The following CD101 variants were observed in gnomAD, a reference collection of about 807,000 sequenced individuals.
CD101 encodes immunoglobulin superfamily member 2.
In CD101, 76 loss-of-function variants were observed where a neutral mutation model predicts 98.2. The observed-to-expected ratio is 0.77, with a 90% CI of 0.64 to 0.94. The LOEUF (loss-of-function observed/expected upper bound fraction) is 0.94. Ranked by LOEUF, CD101 falls within the 40% of genes least tolerant of loss-of-function variation. The probability of loss-of-function intolerance (pLI) is 0.00; values close to 1 mark genes in which losing one functional copy is unlikely to be tolerated. For missense variants in CD101, 1,145 were observed against 1,218.8 expected, an observed-to-expected ratio of 0.94 and a Z score of 0.90; for synonymous variants, 471 against 472.7, an observed-to-expected ratio of 1.00 and a Z score of 0.05.
chr1:117,017,803 CA>C (rs1238825534), intron 5 of CD101, among the ~76,000 whole-genome samples: 2 of 152,092 alleles, frequency 1.3e-5, no homozygotes. Context: ...GAAGCATGTG[CA>C]AAAGGGTTCT....
chr1:117,015,491 T>A (rs1653146035), intron 4 of CD101, among the ~76,000 whole-genome samples: 1 of 152,348 alleles, frequency 6.6e-6, no homozygotes, highest in African/African-American at 2.4e-5. Flanking sequence ...ATTTGCTCTT[T>A]TTAAAAACAT....
intron 8 of CD101, chr1:117,032,633 G>C (rs1468784367): frequency 6.6e-6 from 1 of 152,202 alleles, no homozygotes; most frequent in Admixed American, 6.5e-5. Context: ...TCCAGTAAAA[G>C]CACAGCTACA....
At position 117,018,332 on chromosome 1, in the gene CD101, C is replaced by G. The variant is rs1349732172; in HGVS notation, c.1789C>G (p.His597Asp). The G allele has an allele frequency of 6.2e-7, 1 of 1,614,078 alleles. No homozygotes were observed. Among genetic ancestry groups the G allele is most frequent in the Non-Finnish European group, 8.5e-7 (1 of 1,180,046 alleles). The change falls in exon 6 of 10, where the codon CAC (histidine) becomes GAC (aspartate). Residue 597 changes from histidine to aspartate, a missense_variant. Coordinates refer to ENST00000682167, the MANE Select transcript of CD101 (RefSeq NM_001256106.3). The surrounding 1 kb of genome is among the most constrained non-coding windows in gnomAD (Gnocchi z 4.3). ...HIFHQLIRIT[H>D]NGTIEWGNFL... ...CTTCCACCAGCTTATTCGAATCACC[C>G]ACAATGGCACTATTGAATGGGGGAA...
chr1:117,015,391 G>T (rs924287742), intron 4 of CD101, among the ~76,000 whole-genome samples: 17 of 151,952 alleles, frequency 1.1e-4, no homozygotes, highest in African/African-American at 3.6e-4. Flanking sequence ...AATCATCATG[G>T]TTATGTTAAA....
At chr1:117,014,002 C>T (rs1653053874) in intron 4 of CD101, among the ~76,000 whole-genome samples, 1 of 152,082 alleles carries the variant, frequency 6.6e-6, no homozygotes. Context: ...AGTCTGTGAC[C>T]ATGAACACAC....
Position 117,033,953 on chromosome 1 carries a change from C to T in CD101, c.2918C>T (p.Ser973Phe), listed in dbSNP as rs1274174326. The T allele has an allele frequency of 1.1e-5, 17 of 1,614,066 alleles. No homozygotes were observed. Among genetic ancestry groups the T allele is most frequent in the Non-Finnish European group, 1.3e-5 (15 of 1,180,034 alleles). ...PFVLLLLLLISLLCLYWKARK... is the reference protein window; with the variant it reads ...PFVLLLLLLIFLLCLYWKARK... ...GTCCTGCTCCTCCTTCTGCTCATCT[C>T]CCTCCTCTGCTTATACTGGAAGGCC... Residue 973 changes from serine to phenylalanine, a missense_variant, in exon 9 of 10, where the codon TCC becomes TTC. By Grantham distance (155) the Ser-to-Phe change is radical. Coordinates refer to ENST00000682167, the MANE Select transcript of CD101 (RefSeq NM_001256106.3). The surrounding 1 kb of genome is among the most constrained non-coding windows in gnomAD (Gnocchi z 4.8).
At position 117,005,374 on chromosome 1, in the gene CD101, C is replaced by G. The variant is rs1652470300; in HGVS notation, c.43+3514C>G. On this transcript the variant is annotated intron_variant, in intron 1 of 9. Coordinates refer to ENST00000682167, the MANE Select transcript of CD101 (RefSeq NM_001256106.3). This position sits in a 1 kb window ranked among gnomAD's most constrained non-coding sequence, Gnocchi z 4.4. ...TCCACTTCCTGCAGTCACTTCTTAC[C>G]CTGAAAACTGCTGCTTCCACTCTAT... Among the ~76,000 whole-genome samples, 1 of 152,130 alleles carries G rather than the reference C, an allele frequency of 6.6e-6. No individual in the cohort carries two copies. The highest frequency in any genetic ancestry group is 1.5e-5 in the Non-Finnish European group (1 of 68,026).
At chr1:117,026,053 G>GCTGT (rs1193427280) in intron 8 of CD101, 149 bp downstream of exon 8, 2 of 790,584 alleles carry the variant, frequency 2.5e-6, no homozygotes, top group African/African-American at 3.5e-5. Flanking sequence ...AGATGACTTT[G>GCTGT]CTGTCTCTCT....
At chr1:117,031,543 T>C (rs1557780980) in intron 8 of CD101, among the ~76,000 whole-genome samples, 1 of 152,180 alleles carries the variant, frequency 6.6e-6, no homozygotes, top group Admixed American at 6.5e-5. Context: ...TGGAGGAAGA[T>C]GGCCAAGCCT....
Position 117,019,721 on chromosome 1 carries a change from T to C in CD101, c.2017+1161T>C, listed in dbSNP as rs1440632798. ...TTCTCTTCTGATCTCCAGACTCGTA[T>C]ATCCAGCTGTCTCCAAGACATGCCT... On this transcript the variant is annotated intron_variant, in intron 6 of 9. Coordinates refer to ENST00000682167, the MANE Select transcript of CD101 (RefSeq NM_001256106.3). This position sits in a 1 kb window ranked among gnomAD's most constrained non-coding sequence, Gnocchi z 4.3. 1.3e-5 allele frequency among the ~76,000 whole-genome samples: 2 copies of C among 152,210 alleles called. No homozygotes were observed. The highest frequency in any genetic ancestry group is 4.8e-5 in the African/African-American group (2 of 41,456).
intron 8 of CD101, chr1:117,032,862 G>T (rs539830367): frequency 1.2e-4 from 19 of 152,468 alleles, no homozygotes; most frequent in African/African-American, 4.6e-4. Flanking sequence ...CGTGCTCTGC[G>T]TGTGTATCTG....
At chr1:117,035,788 A>G (rs887970154) in intron 9 of CD101, among the ~76,000 whole-genome samples, 39 of 152,156 alleles carry the variant, frequency 2.6e-4, no homozygotes, top group African/African-American at 8.2e-4. Flanking sequence ...TCCTGACTTC[A>G]TGATCCACCC....
intron 8 of CD101, among the ~76,000 whole-genome samples, chr1:117,029,197 A>AGATACGACTGAC (rs1654200653): frequency 2.4e-5 from 2 of 82,014 alleles, no homozygotes; most frequent in Non-Finnish European, 4.8e-5. Context: ...GAAAGAAAGA[A>AGATACGACTGAC]AGAAAGAAAA....
Position 117,010,230 on chromosome 1 carries a change from G to A in CD101, c.424G>A (p.Val142Ile), listed in dbSNP as rs756373055. The change falls in exon 2 of 10, where the codon GTT (valine) becomes ATT (isoleucine). Residue 142 changes from valine to isoleucine, a missense_variant and splice_region_variant. By Grantham distance (29) the Val-to-Ile change is conservative. Transcript: ENST00000682167. This position sits in a 1 kb window ranked among gnomAD's most constrained non-coding sequence, Gnocchi z 5.2. ...GSYSAKTNLIVIPDTLSATMS... is the reference protein window; with the variant it reads ...GSYSAKTNLIIIPDTLSATMS... The stretch of plus-strand genomic sequence containing the variant: ...TTACAGTGCAAAGACTAATCTAATT[G>A]GTAAGTTGCTTGTCCACTTCTGCTA... The A allele has an allele frequency of 2.5e-6, 4 of 1,602,802 alleles. No individual in the cohort carries two copies. Among genetic ancestry groups the A allele is most frequent in the Non-Finnish European group, 3.4e-6 (4 of 1,171,928 alleles).
At chr1:117,029,339 A>G (rs1321766075) in intron 8 of CD101, among the ~76,000 whole-genome samples, 1 of 152,214 alleles carries the variant, frequency 6.6e-6, no homozygotes, top group Non-Finnish European at 1.5e-5. Flanking sequence ...GAAGGAATGA[A>G]GGAAGGAAGA....
At position 117,013,806 on chromosome 1, in the gene CD101, AG is replaced by A; in HGVS notation, c.1228+16del. The A allele has an allele frequency of 6.2e-7, 1 of 1,600,410 alleles. No homozygotes were observed. The highest frequency in any genetic ancestry group is 8.5e-7 in the Non-Finnish European group (1 of 1,173,506). ...GGAAGCCAGCAGGTACGTAAAGTCA[AG>A]GCCAGGCATGCATTGGGCTGCTTTC... On this transcript the variant is annotated intron_variant, in intron 4 of 9. Coordinates refer to ENST00000682167, the MANE Select transcript of CD101 (RefSeq NM_001256106.3).
chr1:117,033,717 C>T lies in CD101; in HGVS notation c.2825-143C>T. ...CCCCAGTGCTCTGTCCTGTGCTCCT[C>T]ATGATTTCAGGGGCCCACTGCTATT... On this transcript the variant is annotated intron_variant, in intron 8 of 9. Transcript: ENST00000682167. The surrounding 1 kb of genome is among the most constrained non-coding windows in gnomAD (Gnocchi z 4.8). 1.9e-6 allele frequency: 2 copies of T among 1,055,748 alleles called. No individual in the cohort carries two copies. The highest frequency in any genetic ancestry group is 5.0e-5 in the East Asian group (2 of 40,276). 65.4% of individuals were successfully genotyped at this position (1,055,748 alleles called of 1,614,324 possible).
Position 117,021,910 on chromosome 1 carries a change from G to C in CD101, c.2355G>C (p.Leu785=), listed in dbSNP as rs1439047769. 1 of 1,613,978 alleles carries C rather than the reference G, an allele frequency of 6.2e-7. No homozygotes were observed. The highest frequency in any genetic ancestry group is 8.5e-7 in the Non-Finnish European group (1 of 1,180,006). Residue 785 remains leucine (L), a synonymous_variant, in exon 7 of 10, where the codon CTG becomes CTC. Transcript: ENST00000682167. The surrounding 1 kb of genome is among the most constrained non-coding windows in gnomAD (Gnocchi z 4.7). ...KYHCAVEEWL[L]STNGTWHKLG... ...ACTGTGCTGTGGAGGAATGGCTCCTGTCTACAAATGGCACTTGGCACAAGC... is the reference window on the plus strand; with the variant it reads ...ACTGTGCTGTGGAGGAATGGCTCCTCTCTACAAATGGCACTTGGCACAAGC...
rs1369114048 is a variant in CD101 at position 117,036,203 on chromosome 1, G to T, written c.*69G>T. 6.6e-6 allele frequency: 1 copy of T among 152,232 alleles called. No homozygotes were observed. Among genetic ancestry groups the T allele is most frequent in the Admixed American group, 6.5e-5 (1 of 15,276 alleles). The allele number at this position is 152,232 out of a possible 1,614,324, so 9.4% of individuals were successfully genotyped here. A position where few individuals can be genotyped will look rare whatever the true frequency, so the allele number is the denominator to read the frequency against. On this transcript the variant is annotated 3_prime_UTR_variant, in exon 10 of 10. Coordinates refer to ENST00000682167, the MANE Select transcript of CD101 (RefSeq NM_001256106.3). The surrounding 1 kb of genome is among the most constrained non-coding windows in gnomAD (Gnocchi z 5.0). Reference sequence around the variant, plus strand: ...TGCTGCCTGTTTCTTCCCAAGCCCCGTGTGGAATGTGGTGACCTAGTCACC... The same window carrying T: ...TGCTGCCTGTTTCTTCCCAAGCCCCTTGTGGAATGTGGTGACCTAGTCACC...
Sources: gnomAD v4.1 joint callset for allele counts (sites outside exome capture counted in the v4.1 genomes callset) on GRCh38, gnomAD v4.1.1 for gene constraint, Gnocchi (gnomAD v3.1) non-coding constraint, MANE v1.5 for transcripts, NCBI Gene and HGNC (gene_info 2026-07-23, HGNC 2026-07-21) for gene names.